Variants in BANF2 observed in about 807,000 individuals in gnomAD.
BANF2 encodes the protein BANF family member 2.
In BANF2, 4 loss-of-function variants were observed where a neutral mutation model predicts 8.0. That is an observed-to-expected ratio of 0.50 (90% CI 0.25 to 1.14). BANF2 has a LOEUF of 1.14. Ranked by LOEUF, BANF2 falls within the 50% of genes most tolerant of loss-of-function variation. The pLI, the probability that BANF2 is intolerant of heterozygous loss-of-function variation, is 0.16. For synonymous variants in BANF2, 50 were observed against 40.6 expected (o/e 1.23, Z -0.88); for missense variants, 96 against 107.5 (o/e 0.89, Z 0.47).
At chr20:17,695,445 CAAA>C (rs71192401), upstream of BANF2, among the ~76,000 whole-genome samples, 2 of 51,366 alleles carry the variant, frequency 3.9e-5, no homozygotes, top group African/African-American at 8.6e-5. Context: ...GACCTTGTCT[CAAA>C]AAAAAAAAAA....
chr20:17,706,422 G>T (rs1207987544), intron 1 of BANF2, among the ~76,000 whole-genome samples: 1 of 152,208 alleles, frequency 6.6e-6, no homozygotes, highest in East Asian at 1.9e-4. Context: ...TCACAGGTAT[G>T]AGCTTAACAC....
chr20:17,703,031 T>C (rs1189133169), intron 1 of BANF2, among the ~76,000 whole-genome samples: 1 of 152,190 alleles, frequency 6.6e-6, no homozygotes, highest in Non-Finnish European at 1.5e-5. Flanking sequence ...TCCCCTCTCC[T>C]GGCTTTCCCT....
chr20:17,709,547 C>G (rs529326839), intron 1 of BANF2, among the ~76,000 whole-genome samples: 1 of 152,276 alleles, frequency 6.6e-6, no homozygotes, highest in Admixed American at 6.5e-5. Flanking sequence ...CAAGATGCCC[C>G]TTTGTTTTGG....
At chr20:17,696,738 G>A (rs2037348993), upstream of BANF2, among the ~76,000 whole-genome samples, 1 of 152,142 alleles carries the variant, frequency 6.6e-6, no homozygotes, top group Admixed American at 6.5e-5. Context: ...TTGAAATGTG[G>A]AGGAAAATAA....
At chr20:17,734,693 T>C (rs951568849) in intron 3 of BANF2, among the ~76,000 whole-genome samples, 1 of 152,154 alleles carries the variant, frequency 6.6e-6, no homozygotes, top group South Asian at 2.1e-4. Flanking sequence ...GCCACCGGCA[T>C]GCGTAGAGAT....
chr20:17,721,685 C>A (rs2037731945), intron 1 of BANF2, among the ~76,000 whole-genome samples: 1 of 152,194 alleles, frequency 6.6e-6, no homozygotes, highest in Admixed American at 6.5e-5. Flanking sequence ...AGCCACCACT[C>A]CCGGCACCTT....
At chr20:17,705,236 G>A (rs147374041) in intron 1 of BANF2, among the ~76,000 whole-genome samples, 2 of 152,336 alleles carry the variant, frequency 1.3e-5, no homozygotes, top group East Asian at 3.9e-4. Context: ...AGGAAGAGGT[G>A]ATTCTCCATG....
chr20:17,695,164 A>G (rs891054530), upstream of BANF2, among the ~76,000 whole-genome samples: 1 of 152,052 alleles, frequency 6.6e-6, no homozygotes, highest in Non-Finnish European at 1.5e-5. Flanking sequence ...TCTGTTATTT[A>G]AAAAGTAAGG....
At chr20:17,713,335 T>TC (rs2037604097) in intron 1 of BANF2, among the ~76,000 whole-genome samples, 1 of 151,900 alleles carries the variant, frequency 6.6e-6, no homozygotes, top group African/African-American at 2.4e-5. Flanking sequence ...AATAGGCCAG[T>TC]CACCAAAAGA....
At chr20:17,712,572 G>A (rs1225711261) in intron 1 of BANF2, 5 of 971,044 alleles carry the variant, frequency 5.1e-6, no homozygotes, top group African/African-American at 3.5e-5. Flanking sequence ...GCCCATGAAC[G>A]TTCATCTTTC....
chr20:17,715,272 G>A (rs1026729797), intron 1 of BANF2, among the ~76,000 whole-genome samples: 6 of 152,168 alleles, frequency 3.9e-5, no homozygotes, highest in South Asian at 2.1e-4. Context: ...CTAGTACACC[G>A]TGTGTGGTGT....
At chr20:17,716,858 A>AAAAG (rs1568813590) in intron 1 of BANF2, among the ~76,000 whole-genome samples, 54 of 149,896 alleles carry the variant, frequency 3.6e-4, no homozygotes, top group South Asian at 1.1e-3. Context: ...AAAAAAAAAA[A>AAAAG]AAAGAAAGAA....
chr20:17,735,796 T>G lies in BANF2; in HGVS notation c.258T>G (p.Cys86Trp). The change falls in exon 4 of 4, where the codon TGT becomes TGG. Residue 86 changes from cysteine (C) to tryptophan (W), a missense_variant. Cys to Trp is a radical substitution (Grantham distance 215). Coordinates refer to ENST00000246090, the MANE Select transcript of BANF2 (RefSeq NM_178477.5). ...QQTSHCLKEW[C>W]ACFL is the part of the protein sequence containing the mutation. The stretch of plus-strand genomic sequence containing the variant: ...CTTCTCACTGCCTCAAGGAGTGGTG[T>G]GCCTGCTTCCTGTAGACACAAACCT... 1 of 1,613,746 alleles carries G rather than the reference T, an allele frequency of 6.2e-7. No homozygotes were observed. The highest frequency in any genetic ancestry group is 8.5e-7 in the Non-Finnish European group (1 of 1,179,928).
intron 3 of BANF2, among the ~76,000 whole-genome samples, chr20:17,733,296 C>T (rs2037928834): frequency 6.6e-6 from 1 of 152,192 alleles, no homozygotes. Context: ...GACTTAGTAC[C>T]TCCACCTGGG....
intron 3 of BANF2, among the ~76,000 whole-genome samples, chr20:17,733,954 G>C (rs1402266720): frequency 2.0e-5 from 3 of 152,210 alleles, no homozygotes. Flanking sequence ...AGGTTTTCCT[G>C]GAAAGGGCCC....
At chr20:17,698,631 G>A (rs1010424792), upstream of BANF2, among the ~76,000 whole-genome samples, 2 of 152,168 alleles carry the variant, frequency 1.3e-5, no homozygotes, top group Non-Finnish European at 2.9e-5. Context: ...TTGTAGGCAG[G>A]GTGGACTCCA....
chr20:17,719,783 A>T (rs2037704165), intron 1 of BANF2, among the ~76,000 whole-genome samples: 1 of 151,388 alleles, frequency 6.6e-6, no homozygotes, highest in South Asian at 2.1e-4. Context: ...TTGTCTTCCT[A>T]TTGATGGCTA....
chr20:17,731,289 A>G (rs1053191243), intron 3 of BANF2: 1 of 152,148 alleles, frequency 6.6e-6, no homozygotes, highest in Admixed American at 6.5e-5. Flanking sequence ...AAAAAAAAAC[A>G]CACAAGAGTT....
At chr20:17,715,031 C>T (rs961708293) in intron 1 of BANF2, among the ~76,000 whole-genome samples, 2 of 152,150 alleles carry the variant, frequency 1.3e-5, no homozygotes, top group Non-Finnish European at 2.9e-5. Flanking sequence ...AGGATGAGGT[C>T]AGTGAATTTA....
Sources: gnomAD v4.1 joint callset for allele counts (sites outside exome capture counted in the v4.1 genomes callset) on GRCh38, gnomAD v4.1.1 for gene constraint, MANE v1.5 for transcripts, NCBI Gene and HGNC (gene_info 2026-07-23, HGNC 2026-07-21) for gene names.